Variants in PTPRD observed in about 807,000 individuals in gnomAD.
The protein encoded by PTPRD is protein tyrosine phosphatase receptor type D, also known as receptor-type tyrosine-protein phosphatase delta.
Under a neutral mutation model 214.5 loss-of-function variants are expected in PTPRD, and 34 were observed. The observed-to-expected ratio is 0.16, with a 90% CI of 0.12 to 0.21. PTPRD has a LOEUF of 0.21. PTPRD is among the 10% of genes least tolerant of loss of function. PTPRD has a pLI of 1.00. For synonymous variants in PTPRD, 1,128 were observed against 845.7 expected, an observed-to-expected ratio of 1.33 and a Z score of -5.79; for missense variants, 2,545 against 2,398.7, an observed-to-expected ratio of 1.06 and a Z score of -1.27.
chr9:9,205,645 C>T lies in PTPRD; in HGVS notation c.-202-22282G>A, dbSNP rs185074917. Among the ~76,000 whole-genome samples, 4 of 152,080 alleles carry T rather than the reference C, an allele frequency of 2.6e-5. No homozygotes were observed. In the East Asian group the frequency reaches 7.7e-4, roughly 29 times the overall value. On this transcript the variant is annotated intron_variant, in intron 9 of 45. Transcript: ENST00000381196. The stretch of plus-strand genomic sequence containing the variant: ...CATACATTTTATATCTTTTTTGTGG[C>T]TTTTAGTTTTTATCATTTTGCTTAT...
intron 14 of PTPRD, among the ~76,000 whole-genome samples, chr9:8,574,490 A>G (rs2091939954): frequency 6.6e-6 from 1 of 152,032 alleles, no homozygotes; most frequent in Non-Finnish European, 1.5e-5. Flanking sequence ...AAGCAATAAA[A>G]TGTCCATTAA....
intron 9 of PTPRD, among the ~76,000 whole-genome samples, chr9:9,357,052 C>T (rs1415960881): frequency 6.6e-6 from 1 of 151,296 alleles, no homozygotes; most frequent in East Asian, 1.9e-4. Flanking sequence ...TCCTTCTCTT[C>T]ATTTATCAAT....
intron 8 of PTPRD, among the ~76,000 whole-genome samples, chr9:9,573,152 A>C (rs2087085379): frequency 6.6e-6 from 1 of 151,758 alleles, no homozygotes; most frequent in East Asian, 1.9e-4. Context: ...ACAGAGTTGA[A>C]TACTACACAG....
At chr9:8,985,316 T>A (rs997630793) in intron 11 of PTPRD, among the ~76,000 whole-genome samples, 4 of 152,076 alleles carry the variant, frequency 2.6e-5, no homozygotes, top group Non-Finnish European at 2.9e-5. Flanking sequence ...AATATAAAAA[T>A]TTTTATGTCT....
In PTPRD at chr9:10,373,614, G is replaced by T. The variant is rs560410439; in HGVS notation, c.-599-32597C>A. ...AAAATAGAAAATTGTGTCTCTTATT[G>T]CAGGAACCTGAGCCTTTTCCCCAGC... On this transcript the variant is annotated intron_variant, in intron 2 of 45. Coordinates refer to ENST00000381196, the MANE Select transcript of PTPRD (RefSeq NM_002839.4). Among the ~76,000 whole-genome samples, 3 of 152,154 alleles carry T rather than the reference G, an allele frequency of 2.0e-5. No homozygotes were observed. In the South Asian group the frequency reaches 6.2e-4, roughly 32 times the overall value.
intron 2 of PTPRD, among the ~76,000 whole-genome samples, chr9:10,491,535 A>G (rs1239784446): frequency 2.6e-5 from 4 of 152,012 alleles, no homozygotes; most frequent in African/African-American, 9.7e-5. Flanking sequence ...AAGATGAACA[A>G]AAAAAACCCA....
At chr9:9,840,678 G>C (rs1182859636) in intron 5 of PTPRD, among the ~76,000 whole-genome samples, 2 of 144,874 alleles carry the variant, frequency 1.4e-5, no homozygotes, top group South Asian at 2.2e-4. Flanking sequence ...CAGGAGAATC[G>C]CTTGAACACG....
At chr9:8,742,259 A>C (rs1355570241) in intron 11 of PTPRD, among the ~76,000 whole-genome samples, 1 of 152,170 alleles carries the variant, frequency 6.6e-6, no homozygotes, top group Non-Finnish European at 1.5e-5. Context: ...AACTGTATAT[A>C]TTATGCACAA....
intron 11 of PTPRD, among the ~76,000 whole-genome samples, chr9:8,854,358 G>A (rs949597699): frequency 6.6e-5 from 10 of 152,166 alleles, no homozygotes; most frequent in African/African-American, 2.4e-4. Context: ...GTTTTAAAAT[G>A]AAGTCATCTT....
intron 5 of PTPRD, among the ~76,000 whole-genome samples, chr9:9,885,021 G>A (rs945458854): frequency 6.6e-6 from 1 of 152,046 alleles, no homozygotes; most frequent in Non-Finnish European, 1.5e-5. Context: ...TTGGCATCTA[G>A]AGGAAAGGAG....
intron 37 of PTPRD, among the ~76,000 whole-genome samples, chr9:8,384,671 C>T (rs543764400): frequency 9.2e-5 from 14 of 152,058 alleles, no homozygotes; most frequent in South Asian, 4.1e-4. Flanking sequence ...GGATTACAGG[C>T]GTGTGCCATT....
chr9:10,027,812 G>T (rs933568474), intron 4 of PTPRD, among the ~76,000 whole-genome samples: 3 of 152,090 alleles, frequency 2.0e-5, no homozygotes, highest in African/African-American at 7.2e-5. Flanking sequence ...GAACTAAATG[G>T]TAAAATATAA....
At chr9:9,771,674 C>A (rs149468584) in intron 5 of PTPRD, among the ~76,000 whole-genome samples, 17 of 152,218 alleles carry the variant, frequency 1.1e-4, no homozygotes, top group African/African-American at 4.1e-4. Flanking sequence ...GACATACAAC[C>A]CAATTTCAAG....
intron 9 of PTPRD, among the ~76,000 whole-genome samples, chr9:9,203,618 T>C (rs1455420492): frequency 2.0e-5 from 3 of 152,170 alleles, no homozygotes; most frequent in Admixed American, 1.3e-4. Context: ...ATTTTTCCTA[T>C]TCCCAAGATT....
chr9:8,948,039 G>C (rs1189369647), intron 11 of PTPRD, among the ~76,000 whole-genome samples: 1 of 84,814 alleles, frequency 1.2e-5, no homozygotes, highest in African/African-American at 4.5e-5. Flanking sequence ...TTTTTTTTTT[G>C]AGACGGAGTC....
intron 11 of PTPRD, among the ~76,000 whole-genome samples, chr9:8,743,029 C>G (rs2092275275): frequency 6.7e-6 from 1 of 148,198 alleles, no homozygotes; most frequent in South Asian, 2.1e-4. Flanking sequence ...TTATCCCATT[C>G]AGAATGTCAG....
intron 2 of PTPRD, among the ~76,000 whole-genome samples, chr9:10,512,172 T>C (rs1185535006): frequency 2.2e-5 from 1 of 45,664 alleles, no homozygotes; most frequent in Non-Finnish European, 4.2e-5. Flanking sequence ...CTGTTAGATG[T>C]AGTTACAAAA....
intron 7 of PTPRD, among the ~76,000 whole-genome samples, chr9:9,700,317 G>T (rs1430669897): frequency 6.6e-6 from 1 of 152,020 alleles, no homozygotes; most frequent in Non-Finnish European, 1.5e-5. Flanking sequence ...CATTCTGGCA[G>T]TATTAGAGAA....
chr9:9,899,741 T>C (rs1487289420), intron 5 of PTPRD, among the ~76,000 whole-genome samples: 1 of 151,980 alleles, frequency 6.6e-6, no homozygotes, highest in Admixed American at 6.6e-5. Context: ...GGAAGAGATA[T>C]CTGCACTTCC....
Sources: gnomAD v4.1 joint callset for allele counts (sites outside exome capture counted in the v4.1 genomes callset) on GRCh38, gnomAD v4.1.1 for gene constraint, MANE v1.5 for transcripts, NCBI Gene and HGNC (gene_info 2026-07-23, HGNC 2026-07-21) for gene names.